Variants in FBXL18 observed in about 807,000 individuals in gnomAD.
FBXL18 encodes F-box and leucine rich repeat protein 18, also known as F-box/LRR-repeat protein 18.
Under a neutral mutation model 46.0 loss-of-function variants are expected in FBXL18, and 36 were observed. The ratio of observed to expected loss-of-function variants is 0.78; its 90% confidence interval spans 0.60 to 1.03. The LOEUF (loss-of-function observed/expected upper bound fraction) is 1.03, where lower values mean the gene tolerates loss of function less well. FBXL18 is among the 50% of genes least tolerant of loss of function. The pLI is 0.00. For missense variants in FBXL18, 977 were observed against 1,004.1 expected (o/e 0.97, Z 0.36); for synonymous variants, 557 against 465.3 (o/e 1.20, Z -2.54).
intron 4 of FBXL18, among the ~76,000 whole-genome samples, chr7:5,464,372 G>C (rs191765044): frequency 6.6e-6 from 1 of 151,970 alleles, no homozygotes; most frequent in Non-Finnish European, 1.5e-5. Flanking sequence ...CCAGCTATTC[G>C]GGAGGCTGAG....
chr7:5,508,440 T>TAAA (rs11396812), intron 1 of FBXL18, among the ~76,000 whole-genome samples: 1 of 132,692 alleles, frequency 7.5e-6, no homozygotes, highest in African/African-American at 2.9e-5. Context: ...AGACTTTGTC[T>TAAA]AAAAAAAAAA....
intron 2 of FBXL18, among the ~76,000 whole-genome samples, chr7:5,504,725 C>A (rs1431572730): frequency 6.7e-6 from 1 of 149,094 alleles, no homozygotes; most frequent in Non-Finnish European, 1.5e-5. Context: ...ACCATCCTGG[C>A]TAACACAGTG....
chr7:5,482,277 A>T (rs569117361), intron 4 of FBXL18, among the ~76,000 whole-genome samples: 39 of 152,306 alleles, frequency 2.6e-4, no homozygotes, highest in African/African-American at 8.9e-4. Context: ...ACCCCACTGC[A>T]GGAGTGGCAG....
intron 3 of FBXL18, among the ~76,000 whole-genome samples, chr7:5,492,862 T>C (rs889459226): frequency 9.2e-5 from 14 of 152,066 alleles, no homozygotes; most frequent in African/African-American, 3.4e-4. Flanking sequence ...TCCCTGCCCA[T>C]AGCCTGATTT....
intron 1 of FBXL18, among the ~76,000 whole-genome samples, chr7:5,509,277 T>C (rs1329053690): frequency 6.6e-6 from 1 of 151,200 alleles, no homozygotes; most frequent in Non-Finnish European, 1.5e-5. Context: ...TCATAGAAAT[T>C]ACAATAATTT....
intron 3 of FBXL18, among the ~76,000 whole-genome samples, chr7:5,495,586 C>A (rs376137174): frequency 6.6e-6 from 1 of 152,188 alleles, no homozygotes; most frequent in Non-Finnish European, 1.5e-5. Flanking sequence ...CTGGGGGTCA[C>A]GGTGTGGGGG....
downstream of FBXL18, among the ~76,000 whole-genome samples, chr7:5,471,407 G>C (rs977439129): frequency 2.0e-5 from 3 of 152,164 alleles, no homozygotes; most frequent in Non-Finnish European, 4.4e-5. Flanking sequence ...CTCCCAAGTA[G>C]CTGGGACTAC....
At chr7:5,511,954 G>A (rs530329287) in intron 1 of FBXL18, among the ~76,000 whole-genome samples, 9 of 151,814 alleles carry the variant, frequency 5.9e-5, no homozygotes, top group African/African-American at 2.2e-4. Flanking sequence ...ATAAAGAATG[G>A]GCCGGGCACA....
chr7:5,470,320 G>T (rs999957511), intron 4 of FBXL18, among the ~76,000 whole-genome samples: 9 of 152,102 alleles, frequency 5.9e-5, no homozygotes, highest in African/African-American at 2.2e-4. Flanking sequence ...ACCAAGGCGT[G>T]CCCCTCCCTA....
At chr7:5,458,848 T>C (rs1251192419) in intron 4 of FBXL18, among the ~76,000 whole-genome samples, 5 of 152,028 alleles carry the variant, frequency 3.3e-5, no homozygotes, top group Non-Finnish European at 7.4e-5. Context: ...TGGCAGGGCA[T>C]TTTGAAAGCA....
At chr7:5,503,082 G>A (rs925966830) in intron 2 of FBXL18, among the ~76,000 whole-genome samples, 1 of 152,256 alleles carries the variant, frequency 6.6e-6, no homozygotes, top group African/African-American at 2.4e-5. Flanking sequence ...ATGTGATCCA[G>A]CCACAAAGGG....
At chr7:5,507,119 G>A (rs894638124) in intron 1 of FBXL18, among the ~76,000 whole-genome samples, 15 of 152,054 alleles carry the variant, frequency 9.9e-5, no homozygotes, top group African/African-American at 3.6e-4. Context: ...TCATCTTTCT[G>A]GGGACTGTGT....
At chr7:5,506,711 C>G (rs561211840) in intron 1 of FBXL18, among the ~76,000 whole-genome samples, 3 of 152,110 alleles carry the variant, frequency 2.0e-5, no homozygotes, top group Non-Finnish European at 4.4e-5. Context: ...CATGTGCCAC[C>G]GTGCCCAGCT....
At chr7:5,488,182 GC>G (rs1399945183) in intron 4 of FBXL18, among the ~76,000 whole-genome samples, 1 of 152,232 alleles carries the variant, frequency 6.6e-6, no homozygotes, top group Non-Finnish European at 1.5e-5. Flanking sequence ...CCACGAAGGT[GC>G]AGGTCACCCC....
At chr7:5,513,528 A>G (rs1784595124) in intron 1 of FBXL18, 129 bp downstream of exon 1, 4 of 1,051,636 alleles carry the variant, frequency 3.8e-6, no homozygotes, top group Non-Finnish European at 5.8e-6. Context: ...CAGGGTCAGG[A>G]TGGGAAGGAC....
rs1164058936 is a variant in FBXL18 at position 5,479,325 on chromosome 7, G to C, written c.*2450C>G. 1 of 152,246 alleles carries C rather than the reference G, an allele frequency of 6.6e-6. No homozygotes were observed. The highest frequency in any genetic ancestry group is 6.5e-5 in the Admixed American group (1 of 15,270). The allele number at this position is 152,246 out of a possible 1,614,324, so 9.4% of individuals were successfully genotyped here. A position where few individuals can be genotyped will look rare whatever the true frequency, so the allele number is the denominator to read the frequency against. On this transcript the variant is annotated 3_prime_UTR_variant, in exon 5 of 5. Coordinates refer to ENST00000382368, the MANE Select transcript of FBXL18 (RefSeq NM_024963.6). ...GCTAGGATGCATTCCTGGAGCAGAC[G>C]CAATTCTCTAGCCCGAGTGGGGAAT...
chr7:5,508,565 T>C (rs1304266319), intron 1 of FBXL18, among the ~76,000 whole-genome samples: 1 of 149,066 alleles, frequency 6.7e-6, no homozygotes, highest in East Asian at 2.0e-4. Context: ...GCTAGGATCT[T>C]GCCACTGCAC....
chr7:5,482,976 G>A (rs760845899), intron 4 of FBXL18, among the ~76,000 whole-genome samples: 28 of 151,054 alleles, frequency 1.9e-4, no homozygotes, highest in Middle Eastern at 3.4e-3. Flanking sequence ...AGGTAGAGGC[G>A]GCAGTGAGCT....
In FBXL18 at chr7:5,501,238, C is replaced by G. The variant is rs1378779555; in HGVS notation, c.1031G>C (p.Ser344Thr). The G allele has an allele frequency of 6.2e-7, 1 of 1,613,314 alleles. No individual in the cohort carries two copies. Among genetic ancestry groups the G allele is most frequent in the Non-Finnish European group, 8.5e-7 (1 of 1,179,818 alleles). ...QVINGGKDLR[S>T]LASLNLSGCV... ...GCCGCTGAGGTTCAAGCTGGCCAGG[C>G]TCCGCAGGTCCTTCCCGCCGTTGAT... is the stretch of plus-strand genomic sequence containing the variant. The change falls in exon 3 of 5, where the codon AGC (serine) becomes ACC (threonine). Residue 344 changes from serine (S) to threonine (T), a missense_variant. By Grantham distance (58) the Ser-to-Thr change is moderately conservative. Transcript: ENST00000382368.
Sources: gnomAD v4.1 joint callset for allele counts (sites outside exome capture counted in the v4.1 genomes callset) on GRCh38, gnomAD v4.1.1 for gene constraint, MANE v1.5 for transcripts, NCBI Gene and HGNC (gene_info 2026-07-23, HGNC 2026-07-21) for gene names.